The following CUX1 variants were observed in gnomAD, a reference collection of about 807,000 sequenced individuals.
CUX1 encodes cut like homeobox 1, also known as protein CASP.
Under a neutral mutation model 158.8 loss-of-function variants are expected in CUX1, and 31 were observed. The ratio of observed to expected loss-of-function variants is 0.20; its 90% CI spans 0.15 to 0.26. CUX1 has a LOEUF of 0.26. CUX1 is among the 10% of genes least tolerant of loss of function. CUX1 has a pLI of 1.00. For synonymous variants in CUX1, 879 were observed against 862.1 expected (o/e 1.02, Z -0.34); for missense variants, 1,589 against 2,014.6 (o/e 0.79, Z 4.04).
intron 1 of CUX1, among the ~76,000 whole-genome samples, chr7:101,878,247 C>T (rs371869464): frequency 1.6e-4 from 25 of 152,176 alleles, no homozygotes; most frequent in East Asian, 9.6e-4. Context: ...CAGGACCCTC[C>T]CCTCCCCTTG....
chr7:102,068,220 T>G (rs1825759508), intron 3 of CUX1, among the ~76,000 whole-genome samples: 3 of 151,840 alleles, frequency 2.0e-5, no homozygotes, highest in South Asian at 4.2e-4. Context: ...GCCTCCCAAG[T>G]AGCTGGTATT....
intron 3 of CUX1, among the ~76,000 whole-genome samples, chr7:102,053,244 G>C (rs1823742258): frequency 6.6e-6 from 1 of 152,118 alleles, no homozygotes; most frequent in Non-Finnish European, 1.5e-5. Context: ...TGTATCTTTG[G>C]AGAAACATCT....
At chr7:102,274,555 G>A (rs1276776945) in intron 16 of CUX1, among the ~76,000 whole-genome samples, 11 of 152,228 alleles carry the variant, frequency 7.2e-5, no homozygotes, top group Admixed American at 7.2e-4. Flanking sequence ...ATTGGAGGCT[G>A]CAGTGAGCTA....
chr7:101,844,495 A>G (rs1795487249), intron 1 of CUX1, among the ~76,000 whole-genome samples: 2 of 152,180 alleles, frequency 1.3e-5, no homozygotes, highest in Admixed American at 6.5e-5. Flanking sequence ...TTTTGCACAG[A>G]GAGTCACGGT....
intron 21 of CUX1, among the ~76,000 whole-genome samples, chr7:102,233,048 A>G (rs2132420635): frequency 6.6e-6 from 1 of 152,094 alleles, no homozygotes; most frequent in East Asian, 1.9e-4. Context: ...CTCTGATTTG[A>G]GGTTGTACAA....
At chr7:102,108,123 A>G (rs1309355324) in intron 6 of CUX1, among the ~76,000 whole-genome samples, 1 of 152,174 alleles carries the variant, frequency 6.6e-6, no homozygotes, top group African/African-American at 2.4e-5. Flanking sequence ...AGTAAAAAGA[A>G]CGGACCATCC....
chr7:101,823,512 A>T (rs1411572095), intron 1 of CUX1, among the ~76,000 whole-genome samples: 6 of 152,282 alleles, frequency 3.9e-5, no homozygotes, highest in African/African-American at 9.6e-5. Context: ...GAGATCTTGG[A>T]TGGTCTGGAT....
chr7:102,041,557 A>G (rs895386309), intron 3 of CUX1, among the ~76,000 whole-genome samples: 1 of 151,846 alleles, frequency 6.6e-6, no homozygotes, highest in Admixed American at 6.6e-5. Context: ...CCCTTGCCTT[A>G]TCCATCCTTC....
intron 8 of CUX1, among the ~76,000 whole-genome samples, chr7:102,122,198 T>C (rs781794980): frequency 2.0e-5 from 3 of 152,168 alleles, no homozygotes; most frequent in African/African-American, 7.2e-5. Context: ...AATTTTCTAT[T>C]TCCTGTCTTT....
chr7:102,282,412 C>T (rs1792145855), intron 21 of CUX1, among the ~76,000 whole-genome samples: 1 of 152,104 alleles, frequency 6.6e-6, no homozygotes, highest in Non-Finnish European at 1.5e-5. Flanking sequence ...GGACTCCTGT[C>T]CCCCGCACAG....
At chr7:102,063,300 C>CCAAGTGG (rs1278072367) in intron 3 of CUX1, among the ~76,000 whole-genome samples, 1 of 152,022 alleles carries the variant, frequency 6.6e-6, no homozygotes, top group African/African-American at 2.4e-5. Context: ...CTACTGCCAG[C>CCAAGTGG]CAAGTGGCTG....
At chr7:101,914,456 C>CTCCT (rs575814315) in intron 1 of CUX1, among the ~76,000 whole-genome samples, 5 of 139,444 alleles carry the variant, frequency 3.6e-5, no homozygotes, top group Non-Finnish European at 6.2e-5. Context: ...CCGTCCTTCC[C>CTCCT]TCCTTCCTTC....
At chr7:101,870,395 C>T (rs1039870397) in intron 1 of CUX1, among the ~76,000 whole-genome samples, 1 of 152,018 alleles carries the variant, frequency 6.6e-6, no homozygotes, top group Non-Finnish European at 1.5e-5. Flanking sequence ...TGGTTTCGAA[C>T]TCCTGGCCTC....
intron 3 of CUX1, among the ~76,000 whole-genome samples, chr7:102,052,922 C>T (rs1360426881): frequency 6.6e-6 from 1 of 152,136 alleles, no homozygotes; most frequent in Non-Finnish European, 1.5e-5. Context: ...ATTCTCCTGC[C>T]TCGGCCTCCT....
intron 2 of CUX1, among the ~76,000 whole-genome samples, chr7:101,937,613 C>A (rs1403886321): frequency 6.6e-6 from 1 of 151,906 alleles, no homozygotes; most frequent in Non-Finnish European, 1.5e-5. Context: ...CAGGTTCAAG[C>A]AATTCTCCTG....
At chr7:102,019,381 C>T (rs374325025) in intron 2 of CUX1, among the ~76,000 whole-genome samples, 42 of 152,242 alleles carry the variant, frequency 2.8e-4, no homozygotes, top group East Asian at 2.5e-3. Context: ...CATGCCACCA[C>T]GCCTGGCTAA....
In CUX1 at chr7:102,216,555, C is replaced by T. The variant is rs1253667922; in HGVS notation, c.3131-10812C>T. 2.1e-4 allele frequency among the ~76,000 whole-genome samples: 26 copies of T among 124,562 alleles called. 1 individual carries two copies. The highest frequency in any genetic ancestry group is 1.5e-3 in the East Asian group (5 of 3,396). 81.7% of individuals were successfully genotyped at this position (124,562 alleles called of 152,430 possible). A position where few individuals can be genotyped will look rare whatever the true frequency, so the allele number is the denominator to read the frequency against. On this transcript the variant is annotated intron_variant, in intron 20 of 23. Coordinates refer to ENST00000292535, the MANE Select transcript of CUX1 (RefSeq NM_181552.4). Reference sequence around the variant, plus strand: ...CCCCCCACACACACACACCCACACACGCACACACACTCCCACACACACACT... The same window carrying T: ...CCCCCCACACACACACACCCACACATGCACACACACTCCCACACACACACT...
At chr7:102,011,297 C>T (rs973272092) in intron 2 of CUX1, among the ~76,000 whole-genome samples, 10 of 151,976 alleles carry the variant, frequency 6.6e-5, no homozygotes, top group East Asian at 1.9e-4. Flanking sequence ...TCGGAGGACA[C>T]GTTTGGATTT....
Position 102,250,764 on chromosome 7 carries a change from A to G in CUX1, c.*1722A>G, listed in dbSNP as rs1309490291. The G allele has an allele frequency of 1.0e-6, 1 of 985,432 alleles. No homozygotes were observed. 61.0% of individuals were successfully genotyped at this position (985,432 alleles called of 1,614,324 possible). A position where few individuals can be genotyped will look rare whatever the true frequency, so the allele number is the denominator to read the frequency against. Reference sequence around the variant, plus strand: ...TGTCTATGTGTATATGCGTGAGAATAGAGGCGGGTGAGAGTGTGCGTGCGT... The same window carrying G: ...TGTCTATGTGTATATGCGTGAGAATGGAGGCGGGTGAGAGTGTGCGTGCGT... On this transcript the variant is annotated 3_prime_UTR_variant, in exon 24 of 24. Transcript: ENST00000292535.
Sources: allele counts gnomAD v4.1 joint callset (sites outside exome capture counted in the v4.1 genomes callset), GRCh38; gene constraint gnomAD v4.1.1; transcripts MANE v1.5; gene names NCBI Gene and HGNC (gene_info 2026-07-23, HGNC 2026-07-21).